The following TMPRSS4 variants were observed in gnomAD, a reference collection of about 807,000 sequenced individuals.
TMPRSS4 encodes transmembrane protease serine 4.
TMPRSS4 carries 45 observed loss-of-function variants against 56.4 expected under a neutral mutation model. The ratio of observed to expected loss-of-function variants is 0.80; its 90% confidence interval spans 0.63 to 1.02. The LOEUF (loss-of-function observed/expected upper bound fraction) is 1.02. Among genes scored for constraint, TMPRSS4 ranks in the 50% least tolerant of loss-of-function variants. The pLI is 0.00. For missense variants in TMPRSS4, 546 were observed against 556.7 expected (o/e 0.98, Z 0.19); for synonymous variants, 205 against 211.0 (o/e 0.97, Z 0.25).
intron 1 of TMPRSS4, among the ~76,000 whole-genome samples, chr11:118,094,586 G>T (rs1457679689): frequency 1.1e-4 from 16 of 152,192 alleles, no homozygotes. Context: ...TTCTACAATT[G>T]CTAACCAGTT....
intron 1 of TMPRSS4, among the ~76,000 whole-genome samples, chr11:118,090,819 C>A (rs1056802255): frequency 8.4e-4 from 114 of 136,410 alleles, no homozygotes; most frequent in African/African-American, 3.3e-3. Context: ...CACACACACA[C>A]AAACACACAC....
At chr11:118,095,799 C>T (rs776357418) in intron 2 of TMPRSS4, among the ~76,000 whole-genome samples, 1 of 152,198 alleles carries the variant, frequency 6.6e-6, no homozygotes, top group Non-Finnish European at 1.5e-5. Context: ...ATGTGGAAGT[C>T]TCTTGTAGGC....
chr11:118,077,250 G>A lies in TMPRSS4; in HGVS notation c.-53G>A. On this transcript the variant is annotated 5_prime_UTR_variant, in exon 1 of 13. In the 5' UTR this introduces an upstream ATG that the reference lacks. Coordinates refer to ENST00000437212, the MANE Select transcript of TMPRSS4 (RefSeq NM_019894.4). The stretch of plus-strand genomic sequence containing the variant: ...GGGGAGGCCCTCCTGCTGCCTTGGG[G>A]TGACAATCTCAGCTCCAGGCTACAG... 1 of 1,585,792 alleles carries A rather than the reference G, an allele frequency of 6.3e-7. No individual in the cohort carries two copies. Among genetic ancestry groups the A allele is most frequent in the Non-Finnish European group, 8.6e-7 (1 of 1,165,808 alleles).
At chr11:118,082,118 G>A (rs1945181616) in intron 1 of TMPRSS4, among the ~76,000 whole-genome samples, 1 of 152,198 alleles carries the variant, frequency 6.6e-6, no homozygotes, top group Non-Finnish European at 1.5e-5. Flanking sequence ...GTCTTAAAGA[G>A]AATAATAGCT....
intron 1 of TMPRSS4, among the ~76,000 whole-genome samples, chr11:118,091,923 C>T (rs779965407): frequency 3.3e-5 from 5 of 152,054 alleles, no homozygotes; most frequent in South Asian, 4.1e-4. Flanking sequence ...GGAGGAGAGA[C>T]GGCCGGGAAT....
At position 118,120,440 on chromosome 11, in the gene TMPRSS4, C is replaced by T. The variant is rs1173505342; in HGVS notation, c.*2527C>T. On this transcript the variant is annotated 3_prime_UTR_variant, in exon 13 of 13. Coordinates refer to ENST00000437212, the MANE Select transcript of TMPRSS4 (RefSeq NM_019894.4). ...ATTTTACATTCCCATCAACAGTTTG[C>T]AGGAGTTACTATTTCTCCATATCCC... is the stretch of plus-strand genomic sequence containing the variant. 6.6e-6 allele frequency: 1 copy of T among 152,142 alleles called. No individual in the cohort carries two copies. Among genetic ancestry groups the T allele is most frequent in the Non-Finnish European group, 1.5e-5 (1 of 68,034 alleles). The allele number at this position is 152,142 out of a possible 1,614,324, so 9.4% of individuals were successfully genotyped here.
At chr11:118,112,755 C>T (rs1162141948) in intron 8 of TMPRSS4, among the ~76,000 whole-genome samples, 1 of 151,666 alleles carries the variant, frequency 6.6e-6, no homozygotes, top group Admixed American at 6.6e-5. Flanking sequence ...CCAGATGATG[C>T]GCCCAAGTTC....
chr11:118,104,889 CCTT>C (rs1946912312), intron 5 of TMPRSS4, 69 bp downstream of exon 5: 5 of 1,452,596 alleles, frequency 3.4e-6, no homozygotes, highest in East Asian at 5.1e-5. Context: ...TTCCTTCCTC[CCTT>C]CTTCTCTCTT....
At chr11:118,082,608 A>T (rs1345856199) in intron 1 of TMPRSS4, among the ~76,000 whole-genome samples, 2 of 152,106 alleles carry the variant, frequency 1.3e-5, no homozygotes, top group Non-Finnish European at 2.9e-5. Context: ...GAGGTTCATG[A>T]CTTGAAAAGG....
intron 8 of TMPRSS4, among the ~76,000 whole-genome samples, chr11:118,112,795 T>A (rs1205715745): frequency 6.7e-6 from 1 of 150,254 alleles, no homozygotes; most frequent in Non-Finnish European, 1.5e-5. Context: ...TTCAAGGCAC[T>A]CATGATCTAG....
downstream of TMPRSS4, among the ~76,000 whole-genome samples, chr11:118,122,894 G>A (rs1488011730): frequency 6.6e-6 from 1 of 152,030 alleles, no homozygotes; most frequent in Non-Finnish European, 1.5e-5. Context: ...TTCATGAATG[G>A]GATTAGTGCC....
chr11:118,086,138 T>C (rs534074577), intron 1 of TMPRSS4, among the ~76,000 whole-genome samples: 1 of 152,376 alleles, frequency 6.6e-6, no homozygotes, highest in Non-Finnish European at 1.5e-5. Context: ...ATAAGCGCTG[T>C]GCCTCAGTTT....
intron 4 of TMPRSS4, among the ~76,000 whole-genome samples, chr11:118,103,669 A>C (rs1361220716): frequency 1.3e-5 from 2 of 152,232 alleles, no homozygotes; most frequent in Non-Finnish European, 2.9e-5. Flanking sequence ...GGCGTGAGCC[A>C]CCGTGCCCAG....
intron 5 of TMPRSS4, chr11:118,106,527 C>T (rs1412262181): frequency 6.6e-6 from 1 of 151,584 alleles, no homozygotes; most frequent in African/African-American, 2.4e-5. Flanking sequence ...CTCTGTCACC[C>T]AGGCTGGAGT....
intron 9 of TMPRSS4, among the ~76,000 whole-genome samples, chr11:118,113,757 C>T (rs684835): frequency 0.04 from 6,115 of 152,234 alleles, 304 homozygotes; most frequent in African/African-American, 0.11. Context: ...GCTAATTCCC[C>T]ACCACTGACC....
chr11:118,081,462 A>G (rs576429300), intron 1 of TMPRSS4, among the ~76,000 whole-genome samples: 2 of 152,346 alleles, frequency 1.3e-5, no homozygotes, highest in African/African-American at 4.8e-5. Context: ...AAACCGCAAC[A>G]GTCCTCCCCT....
At chr11:118,111,623 C>T (rs1436178159) in intron 7 of TMPRSS4, 118 bp from the exon 8 acceptor site, 1 of 742,578 alleles carries the variant, frequency 1.3e-6, no homozygotes, top group African/African-American at 1.9e-5. Flanking sequence ...GGTCCTCTCT[C>T]CACTCTGGCC....
At chr11:118,103,052 C>G (rs1341798179) in intron 3 of TMPRSS4, 49 bp from the exon 4 acceptor site, 2 of 1,605,132 alleles carry the variant, frequency 1.2e-6, no homozygotes, top group African/African-American at 1.3e-5. Flanking sequence ...TCTCCCTGCT[C>G]AAGCCTGACC....
rs768330268 is a variant in TMPRSS4, at chr11:118,117,418, C to G, written c.1266C>G (p.Val422=). Residue 422 remains valine, a synonymous_variant, in exon 12 of 13, where the codon GTC becomes GTG. Transcript: ENST00000437212. ...GCACCCCAGGAGTATACACCAAGGTCTCAGCCTATCTCAACTGGATCTACA... is the reference window on the plus strand; with the variant it reads ...GCACCCCAGGAGTATACACCAAGGTGTCAGCCTATCTCAACTGGATCTACA... ...GPSTPGVYTK[V]SAYLNWIYNV... 3.1e-6 allele frequency: 5 copies of G among 1,613,964 alleles called. No homozygotes were observed. The highest frequency in any genetic ancestry group is 1.3e-5 in the African/African-American group (1 of 74,910).
Sources: allele counts gnomAD v4.1 joint callset (sites outside exome capture counted in the v4.1 genomes callset), GRCh38; gene constraint gnomAD v4.1.1; transcripts MANE v1.5; gene names NCBI Gene and HGNC (gene_info 2026-07-23, HGNC 2026-07-21).